VPS26C: variants seen among roughly 807,000 people sequenced by gnomAD.
VPS26C encodes VPS26 endosomal protein sorting factor C.
In VPS26C, 19 loss-of-function variants were observed where a neutral mutation model predicts 30.6. The observed-to-expected ratio is 0.62, with a 90% confidence interval of 0.43 to 0.91. The LOEUF (loss-of-function observed/expected upper bound fraction) is 0.91, where lower values mean the gene tolerates loss of function less well. VPS26C is among the 40% of genes least tolerant of loss of function. VPS26C has a pLI of 0.00. For synonymous variants in VPS26C, 132 were observed against 151.5 expected (o/e 0.87, Z 0.95); for missense variants, 318 against 385.1 (o/e 0.83, Z 1.46).
At chr21:37,252,242 CCTTT>C (rs1484327776) in intron 1 of VPS26C, among the ~76,000 whole-genome samples, 16 of 152,176 alleles carry the variant, frequency 1.1e-4, no homozygotes, top group African/African-American at 2.9e-4. Context: ...AACACTCTAC[CCTTT>C]CTTAGTAGCA....
In VPS26C at chr21:37,223,468, C is replaced by T. The variant is rs1286486262; in HGVS notation, c.*2076G>A. 2 of 152,200 alleles carry T rather than the reference C, an allele frequency of 1.3e-5. No individual in the cohort carries two copies. Among genetic ancestry groups the T allele is most frequent in the African/African-American group, 4.8e-5 (2 of 41,450 alleles). 9.4% of individuals were successfully genotyped at this position (152,200 alleles called of 1,614,324 possible). A position where few individuals can be genotyped will look rare whatever the true frequency, so the allele number is the denominator to read the frequency against. On this transcript the variant is annotated 3_prime_UTR_variant, in exon 8 of 8. Transcript: ENST00000309117. ...TATTAAATTACATAGCAATATACAT[C>T]CCAAACCTTTTCTCAAAATTGTCAT...
At chr21:37,255,958 C>T (rs963941311) in intron 1 of VPS26C, among the ~76,000 whole-genome samples, 4 of 150,270 alleles carry the variant, frequency 2.7e-5, no homozygotes, top group African/African-American at 9.9e-5. Context: ...GCCTCAGCCT[C>T]CTGAGTAGCT....
At chr21:37,231,942 CA>C (rs2085969040) in intron 5 of VPS26C, 1 of 173,172 alleles carries the variant, frequency 5.8e-6, no homozygotes, top group East Asian at 1.6e-4. Context: ...CTTTGAAAAG[CA>C]CGTTGCTGCC....
intron 1 of VPS26C, among the ~76,000 whole-genome samples, chr21:37,264,301 A>G (rs1439721295): frequency 6.6e-6 from 1 of 152,218 alleles, no homozygotes. Flanking sequence ...GCCTTCAGCC[A>G]TCAATTGCAG....
chr21:37,225,691 A>T, intron 7 of VPS26C, 65 bp from the exon 8 acceptor site: 2 of 1,366,184 alleles, frequency 1.5e-6, no homozygotes, highest in Non-Finnish European at 2.1e-6. Flanking sequence ...ACACGCCGCC[A>T]CCACTGCAGT....
chr21:37,228,820 C>T, intron 5 of VPS26C: 3 of 158,634 alleles, frequency 1.9e-5, no homozygotes, highest in Non-Finnish European at 4.2e-5. Flanking sequence ...TCACTTGAGG[C>T]CAGGAGTTCA....
chr21:37,228,156 C>G (rs1373159251), intron 6 of VPS26C, 67 bp downstream of exon 6: 1 of 1,571,262 alleles, frequency 6.4e-7, no homozygotes, highest in East Asian at 2.2e-5. Flanking sequence ...ATCCTCTTAA[C>G]CATGGAACGT....
rs144782007 is a variant in VPS26C at position 37,233,876 on chromosome 21, C to T, written c.352-434G>A. On this transcript the variant is annotated intron_variant, in intron 3 of 7. Coordinates refer to ENST00000309117, the MANE Select transcript of VPS26C (RefSeq NM_006052.2). The surrounding 1 kb of genome is among the most constrained non-coding windows in gnomAD (Gnocchi z 5.2). ...TCTGCTTCCCTTCTGTAGAATGGGGCTCTTAAGACCCACCTGCAGCGAGAC... is the reference window on the plus strand; with the variant it reads ...TCTGCTTCCCTTCTGTAGAATGGGGTTCTTAAGACCCACCTGCAGCGAGAC... 2.2e-3 allele frequency among the ~76,000 whole-genome samples: 336 copies of T among 152,306 alleles called. 1 individual carries two copies. The highest frequency in any genetic ancestry group is 7.8e-3 in the African/African-American group (326 of 41,558).
intron 6 of VPS26C, 41 bp downstream of exon 6, chr21:37,228,179 CGAG>C (rs773398412): frequency 1.3e-6 from 2 of 1,593,450 alleles, no homozygotes; most frequent in Admixed American, 1.7e-5. Flanking sequence ...GGGTGGCAGT[CGAG>C]GGGGACAGGC....
intron 3 of VPS26C, among the ~76,000 whole-genome samples, chr21:37,234,219 A>G (rs1349259287): frequency 6.6e-6 from 1 of 152,250 alleles, no homozygotes; most frequent in East Asian, 1.9e-4. Context: ...ATTTCTCGAG[A>G]CATCTGAGGT....
intron 3 of VPS26C, among the ~76,000 whole-genome samples, chr21:37,236,668 G>A (rs2086027819): frequency 6.6e-6 from 1 of 152,194 alleles, no homozygotes; most frequent in African/African-American, 2.4e-5. Flanking sequence ...ATTAAGTGCT[G>A]AATGACAATA....
intron 1 of VPS26C, among the ~76,000 whole-genome samples, chr21:37,243,464 G>A (rs528686678): frequency 1.3e-5 from 2 of 152,298 alleles, no homozygotes; most frequent in East Asian, 3.9e-4. Context: ...GCGCAGCCCC[G>A]TGTGGTGTGC....
At chr21:37,237,080 C>A (rs1419040999) in intron 3 of VPS26C, among the ~76,000 whole-genome samples, 1 of 152,194 alleles carries the variant, frequency 6.6e-6, no homozygotes, top group African/African-American at 2.4e-5. Context: ...TGTGCCTGGC[C>A]AGCACACACG....
chr21:37,259,698 T>G (rs988119221), intron 1 of VPS26C, among the ~76,000 whole-genome samples: 4 of 152,128 alleles, frequency 2.6e-5, no homozygotes, highest in African/African-American at 9.7e-5. Flanking sequence ...CACACTTGGC[T>G]CTCACGGCCA....
chr21:37,256,699 A>G (rs890356523), intron 1 of VPS26C, among the ~76,000 whole-genome samples: 1 of 152,214 alleles, frequency 6.6e-6, no homozygotes, highest in African/African-American at 2.4e-5. Flanking sequence ...AGTCTTTTTC[A>G]TGGCTGCTCA....
chr21:37,245,254 TA>T (rs1048858930), intron 1 of VPS26C, among the ~76,000 whole-genome samples: 8 of 152,132 alleles, frequency 5.3e-5, no homozygotes, highest in African/African-American at 1.9e-4. Flanking sequence ...CTGTTCCACT[TA>T]GATTTTTCAG....
At chr21:37,266,517 G>A (rs1328906862) in intron 1 of VPS26C, among the ~76,000 whole-genome samples, 1 of 152,148 alleles carries the variant, frequency 6.6e-6, no homozygotes, top group African/African-American at 2.4e-5. Context: ...TGATTCTGAT[G>A]TAGAGTAAGG....
chr21:37,251,351 A>T (rs1268329378), intron 1 of VPS26C, among the ~76,000 whole-genome samples: 1 of 152,222 alleles, frequency 6.6e-6, no homozygotes, highest in East Asian at 1.9e-4. Flanking sequence ...CAATGTGGAG[A>T]TCATTTACAC....
chr21:37,235,022 T>C (rs1449540018), intron 3 of VPS26C, among the ~76,000 whole-genome samples: 3 of 151,830 alleles, frequency 2.0e-5, no homozygotes, highest in African/African-American at 7.3e-5. Context: ...TTTTTTTTTT[T>C]TGAGATGGAG....
Sources: gnomAD v4.1 joint callset for allele counts (sites outside exome capture counted in the v4.1 genomes callset) on GRCh38, gnomAD v4.1.1 for gene constraint, Gnocchi (gnomAD v3.1) non-coding constraint, MANE v1.5 for transcripts, NCBI Gene and HGNC (gene_info 2026-07-23, HGNC 2026-07-21) for gene names.